Variants in CCSER2 observed in about 807,000 individuals in gnomAD.
CCSER2 encodes the protein coiled-coil serine rich protein 2.
CCSER2 carries 46 observed loss-of-function variants against 92.3 expected under a neutral mutation model. The observed-to-expected ratio is 0.50, with a 90% CI of 0.39 to 0.64. The LOEUF is 0.64. Among genes scored for constraint, CCSER2 ranks in the 30% least tolerant of loss-of-function variants. The pLI, the probability that CCSER2 is intolerant of heterozygous loss-of-function variation, is 0.00. For synonymous variants in CCSER2, 433 were observed against 431.4 expected (o/e 1.00, Z -0.04); for missense variants, 1,244 against 1,238.9 (o/e 1.00, Z -0.06).
Position 84,383,793 on chromosome 10 carries a change from G to T in CCSER2, c.1614+9978G>T, listed in dbSNP as rs146360461. ...ATCTGTATCTGAATAACAAAGATCA[G>T]AGCAGAACTAAATGAAATTGAAATT... On this transcript the variant is annotated intron_variant, in intron 3 of 9. Coordinates refer to ENST00000372088, the MANE Select transcript of CCSER2 (RefSeq NM_001284240.2). Among the ~76,000 whole-genome samples, 385 of 152,180 alleles carry T rather than the reference G, an allele frequency of 2.5e-3. 2 individuals carry two copies. The highest frequency in any genetic ancestry group is 8.5e-3 in the African/African-American group (353 of 41,522).
At position 84,400,921 on chromosome 10, in the gene CCSER2, A is replaced by G. The variant is rs551802724; in HGVS notation, c.1615-16850A>G. ...AAAGCGAAACTCCATCTCTAAATAA[A>G]TAAATAAATGCCATCTGTAGCCGGG... On this transcript the variant is annotated intron_variant, in intron 3 of 9. Transcript: ENST00000372088. 2.6e-5 allele frequency among the ~76,000 whole-genome samples: 4 copies of G among 151,914 alleles called. No individual in the cohort carries two copies. In the South Asian group the frequency reaches 8.3e-4, roughly 32 times the overall value.
chr10:84,420,630 G>T (rs959759944), intron 4 of CCSER2, among the ~76,000 whole-genome samples: 2 of 151,972 alleles, frequency 1.3e-5, no homozygotes, highest in African/African-American at 4.8e-5. Flanking sequence ...TATTATGCAG[G>T]TTTGATAAAG....
intron 9 of CCSER2, 60 bp downstream of exon 9, chr10:84,477,724 C>A: frequency 3.2e-6 from 3 of 927,490 alleles, no homozygotes; most frequent in South Asian, 1.5e-5. Context: ...TGTTTTATTT[C>A]ACTCTTTTTA....
chr10:84,500,059 T>A, intron 9 of CCSER2: 1 of 1,543,322 alleles, frequency 6.5e-7, no homozygotes, highest in South Asian at 1.2e-5. Context: ...TTTTCTATCC[T>A]GAGTGCTCTG....
At chr10:84,378,432 A>ATTTT (rs386371982) in intron 3 of CCSER2, among the ~76,000 whole-genome samples, 35 of 135,944 alleles carry the variant, frequency 2.6e-4, no homozygotes, top group African/African-American at 5.4e-4. Context: ...TTAAAATTAA[A>ATTTT]TTTTTTTTTT....
rs1162921053 is a variant in CCSER2, at chr10:84,513,874, C to T, written c.2751C>T (p.Pro917=). The T allele has an allele frequency of 1.3e-6, 2 of 1,536,322 alleles. No homozygotes were observed. Among genetic ancestry groups the T allele is most frequent in the African/African-American group, 2.7e-5 (2 of 73,134 alleles). Residue 917 remains proline (P), a synonymous_variant, in exon 10 of 10, where the codon CCC becomes CCT. Coordinates refer to ENST00000372088, the MANE Select transcript of CCSER2 (RefSeq NM_001284240.2). ...CGCCAGTGGGTTATATGTCTCAGCCCAAGTCCTTGCAGCTTTTAAAGCCAT... is the reference window on the plus strand; with the variant it reads ...CGCCAGTGGGTTATATGTCTCAGCCTAAGTCCTTGCAGCTTTTAAAGCCAT... ...QSPPVGYMSQ[P]KSLQLLKPSI...
intron 1 of CCSER2, among the ~76,000 whole-genome samples, chr10:84,356,060 G>A (rs1344365268): frequency 6.8e-6 from 1 of 147,712 alleles, no homozygotes; most frequent in Admixed American, 6.8e-5. Flanking sequence ...CCAAGATCAT[G>A]CCATTGCACT....
At chr10:84,501,127 C>T (rs1466121684) in intron 9 of CCSER2, among the ~76,000 whole-genome samples, 3 of 152,016 alleles carry the variant, frequency 2.0e-5, no homozygotes, top group Admixed American at 6.6e-5. Context: ...TCTCCCACCA[C>T]CTTGGTAACT....
At chr10:84,378,466 C>T (rs1439577948) in intron 3 of CCSER2, among the ~76,000 whole-genome samples, 1 of 142,114 alleles carries the variant, frequency 7.0e-6, no homozygotes, top group African/African-American at 2.6e-5. Flanking sequence ...CGAAGTCTCG[C>T]TCTTCTCACC....
chr10:84,501,435 CCTT>C (rs1258142637), intron 9 of CCSER2, among the ~76,000 whole-genome samples: 3 of 152,124 alleles, frequency 2.0e-5, no homozygotes, highest in Non-Finnish European at 2.9e-5. Flanking sequence ...CCCCCTTTCT[CCTT>C]CTCCTCAGCT....
At chr10:84,391,180 C>T in intron 3 of CCSER2, 1 of 844,606 alleles carries the variant, frequency 1.2e-6, no homozygotes, top group South Asian at 1.3e-5. Flanking sequence ...CACAGCACTG[C>T]AGTCTGGCTT....
chr10:84,425,074 C>G (rs1329320969), intron 4 of CCSER2: 4 of 965,814 alleles, frequency 4.1e-6, no homozygotes, highest in Non-Finnish European at 3.7e-6. Context: ...TGGGGTGTTT[C>G]AAAGAGATTC....
intron 1 of CCSER2, among the ~76,000 whole-genome samples, chr10:84,358,512 A>G (rs1020671502): frequency 1.3e-5 from 2 of 151,896 alleles, no homozygotes; most frequent in Non-Finnish European, 1.5e-5. Context: ...ATTCAAATAT[A>G]TATGTGTTGG....
chr10:84,339,810 T>G (rs1844070972), intron 1 of CCSER2, among the ~76,000 whole-genome samples: 1 of 151,404 alleles, frequency 6.6e-6, no homozygotes, highest in Admixed American at 6.6e-5. Flanking sequence ...ATTCATCTTC[T>G]CAGCCTTCTC....
chr10:84,470,474 TA>T lies in CCSER2; in HGVS notation c.2235+18del. ...ACTTCAGCTTGTAAGTATTGTAGTA[TA>T]ATGTATAGAGACTTTTCAAACTGGG... On this transcript the variant is annotated intron_variant, in intron 8 of 9. Coordinates refer to ENST00000372088, the MANE Select transcript of CCSER2 (RefSeq NM_001284240.2). 7.1e-7 allele frequency: 1 copy of T among 1,400,714 alleles called. No individual in the cohort carries two copies. Among genetic ancestry groups the T allele is most frequent in the South Asian group, 1.4e-5 (1 of 69,212 alleles). The allele number at this position is 1,400,714 out of a possible 1,614,324, so 86.8% of individuals were successfully genotyped here.
At chr10:84,406,387 C>G (rs547875045) in intron 3 of CCSER2, among the ~76,000 whole-genome samples, 4 of 152,220 alleles carry the variant, frequency 2.6e-5, no homozygotes, top group Non-Finnish European at 5.9e-5. Flanking sequence ...ATAAACTATA[C>G]CCCCCAAAAT....
At chr10:84,372,669 A>G (rs1846128484) in intron 2 of CCSER2, among the ~76,000 whole-genome samples, 200 bp downstream of exon 2, 1 of 152,114 alleles carries the variant, frequency 6.6e-6, no homozygotes, top group Non-Finnish European at 1.5e-5. Flanking sequence ...CCAAGACAAT[A>G]TTAATAAAAC....
intron 3 of CCSER2, among the ~76,000 whole-genome samples, chr10:84,375,535 G>GTTTT (rs5786655): frequency 7.8e-6 from 1 of 128,764 alleles, no homozygotes; most frequent in South Asian, 2.5e-4. Flanking sequence ...TTGTTGGTTT[G>GTTTT]TTTTTTTTTT....
chr10:84,342,339 T>G (rs1219669401), intron 1 of CCSER2, among the ~76,000 whole-genome samples: 2 of 152,202 alleles, frequency 1.3e-5, no homozygotes, highest in East Asian at 3.8e-4. Context: ...TGTCACATAT[T>G]CCTTATTTTT....
Sources: gnomAD v4.1 joint callset for allele counts (sites outside exome capture counted in the v4.1 genomes callset) on GRCh38, gnomAD v4.1.1 for gene constraint, MANE v1.5 for transcripts, NCBI Gene and HGNC (gene_info 2026-07-23, HGNC 2026-07-21) for gene names.